Variants in NEBL observed in about 807,000 individuals in gnomAD.
NEBL encodes LIM and SH3 protein 2.
A neutral mutation model predicts 140.2 loss-of-function variants in NEBL; 122 were observed. The observed-to-expected ratio is 0.87, with a 90% CI of 0.75 to 1.01. NEBL has a LOEUF of 1.01. NEBL is among the 50% of genes least tolerant of loss of function. NEBL has a pLI of 0.00. For synonymous variants in NEBL, 436 were observed against 398.9 expected, an observed-to-expected ratio of 1.09 and a Z score of -1.11; for missense variants, 1,365 against 1,231.3, an observed-to-expected ratio of 1.11 and a Z score of -1.62.
At chr10:21,130,551 A>G (rs1839057706) in intron 2 of NEBL, among the ~76,000 whole-genome samples, 1 of 152,336 alleles carries the variant, frequency 6.6e-6, no homozygotes, top group Non-Finnish European at 1.5e-5. Flanking sequence ...CTTCTCTCAG[A>G]TCACAATGAA....
At chr10:21,225,981 G>A (rs1292966372) in intron 3 of NEBL, among the ~76,000 whole-genome samples, 1 of 152,084 alleles carries the variant, frequency 6.6e-6, no homozygotes, top group Admixed American at 6.6e-5. Flanking sequence ...CCACGGCTGG[G>A]AATGTGCTGG....
chr10:20,781,980 C>T lies in NEBL; in HGVS notation c.*3767G>A, dbSNP rs1208260094. 6.6e-6 allele frequency: 1 copy of T among 152,520 alleles called. No homozygotes were observed. Among genetic ancestry groups the T allele is most frequent in the Non-Finnish European group, 1.5e-5 (1 of 68,020 alleles). The allele number at this position is 152,520 out of a possible 1,614,324, so 9.4% of individuals were successfully genotyped here. On this transcript the variant is annotated 3_prime_UTR_variant, in exon 28 of 28. Coordinates refer to ENST00000377122, the MANE Select transcript of NEBL (RefSeq NM_006393.3). ...GTTCATCTTGTGTAGTGAATCCAGC[C>T]TCACAATTATTCTATCTTACAATAG...
intron 19 of NEBL, among the ~76,000 whole-genome samples, chr10:20,821,734 A>G (rs982169223): frequency 6.6e-6 from 1 of 152,148 alleles, no homozygotes; most frequent in Non-Finnish European, 1.5e-5. Flanking sequence ...TGGTATATGA[A>G]CCACACTTTA....
At chr10:20,917,193 C>G (rs1564441956) in intron 4 of NEBL, among the ~76,000 whole-genome samples, 1 of 152,210 alleles carries the variant, frequency 6.6e-6, no homozygotes, top group Non-Finnish European at 1.5e-5. Context: ...AGTCCAAAGT[C>G]TACCATTTTG....
intron 1 of NEBL, among the ~76,000 whole-genome samples, chr10:21,256,325 C>T (rs1399102164): frequency 3.3e-5 from 5 of 152,200 alleles, no homozygotes; most frequent in Non-Finnish European, 5.9e-5. Context: ...ACCTTGGCCT[C>T]CCAAAATGCT....
intron 26 of NEBL, among the ~76,000 whole-genome samples, chr10:20,807,306 A>G (rs1837698075): frequency 6.6e-6 from 1 of 152,246 alleles, no homozygotes; most frequent in Admixed American, 6.5e-5. Context: ...AGCCTGGGCA[A>G]CAGAGCAAGA....
chr10:20,828,784 G>GA, intron 16 of NEBL, 150 bp from the exon 17 acceptor site: 1 of 579,860 alleles, frequency 1.7e-6, no homozygotes, highest in South Asian at 2.0e-5. Flanking sequence ...AGAGAGAGAG[G>GA]TGGAGAGACA....
chr10:20,924,762 G>A (rs1057227060), intron 4 of NEBL, among the ~76,000 whole-genome samples: 5 of 152,102 alleles, frequency 3.3e-5, no homozygotes, highest in Non-Finnish European at 5.9e-5. Flanking sequence ...GAACACTGTA[G>A]AGCTTCCCCC....
At chr10:21,171,014 C>T (rs1320060599) in intron 2 of NEBL, among the ~76,000 whole-genome samples, 2 of 152,116 alleles carry the variant, frequency 1.3e-5, no homozygotes, top group Non-Finnish European at 2.9e-5. Flanking sequence ...CCAGACTATG[C>T]CAACCACACA....
chr10:20,869,769 C>T lies in NEBL; in HGVS notation c.553G>A (p.Ala185Thr), dbSNP rs1844725196. ...AELDRPDIKM[A>T]TQISKIISNA... ...CTTATGATCTTAGAGATCTGGGTTG[C>T]CATCTTGATGTCTGGTCGGTCAAGT... Residue 185 changes from alanine (A) to threonine (T), a missense_variant, in exon 6 of 28, where the codon GCA (alanine) becomes ACA (threonine). Around this residue, in one of 2 missense-constraint regions of NEBL, gnomAD observed 1,323 missense variants for 1,154.8 expected, o/e 1.15. Coordinates refer to ENST00000377122, the MANE Select transcript of NEBL (RefSeq NM_006393.3). 1 of 1,612,416 alleles carries T rather than the reference C, an allele frequency of 6.2e-7. No individual in the cohort carries two copies. The highest frequency in any genetic ancestry group is 1.1e-5 in the South Asian group (1 of 91,050).
chr10:20,850,539 G>C (rs1842406343), intron 10 of NEBL, 37 bp from the exon 11 acceptor site: 2 of 1,346,774 alleles, frequency 1.5e-6, no homozygotes, highest in African/African-American at 2.9e-5. Flanking sequence ...CAAATCGAAA[G>C]TCCTTATACA....
chr10:21,146,053 C>T (rs1039572782), intron 2 of NEBL, among the ~76,000 whole-genome samples: 10 of 152,074 alleles, frequency 6.6e-5, no homozygotes, highest in East Asian at 1.9e-4. Flanking sequence ...ATTTGTTAAG[C>T]GCCCGCTATG....
intron 22 of NEBL, 142 bp downstream of exon 22, chr10:20,815,483 T>A (rs576495711): frequency 1.4e-6 from 1 of 695,126 alleles, no homozygotes; most frequent in African/African-American, 1.8e-5. Context: ...TTGGAAGTCA[T>A]CTGAAATAAC....
chr10:20,830,129 G>A (rs559883556), intron 16 of NEBL, among the ~76,000 whole-genome samples: 3 of 152,308 alleles, frequency 2.0e-5, no homozygotes, highest in South Asian at 4.1e-4. Context: ...GAGGCTGAGA[G>A]GCACACAAGT....
rs191280465 is a variant in NEBL, at chr10:21,064,537, T to C, written c.165-44336A>G. Among the ~76,000 whole-genome samples the C allele has an allele frequency of 7.9e-5, 12 of 152,382 alleles. No individual in the cohort carries two copies. In the East Asian group the frequency reaches 2.3e-3, roughly 29 times the overall value. The stretch of plus-strand genomic sequence containing the variant: ...ACAATTCCCTTTACAAGTCTCGTTT[T>C]ATTAACCATTTAAAAGCAACTGAAA... On this transcript the variant is annotated intron_variant, in intron 2 of 6. Transcript: ENST00000417816.
chr10:21,090,847 C>T (rs964200103), intron 2 of NEBL, among the ~76,000 whole-genome samples: 6 of 152,180 alleles, frequency 3.9e-5, no homozygotes, highest in Non-Finnish European at 8.8e-5. Flanking sequence ...CATTTATCTA[C>T]TGAGCTTTAG....
intron 3 of NEBL, among the ~76,000 whole-genome samples, chr10:21,200,142 G>A (rs560990314): frequency 4.6e-5 from 7 of 151,854 alleles, no homozygotes; most frequent in Non-Finnish European, 8.8e-5. Flanking sequence ...TGCATTCCTC[G>A]CTACCCTACA....
intron 4 of NEBL, among the ~76,000 whole-genome samples, chr10:20,927,319 T>C (rs1230834585): frequency 6.6e-6 from 1 of 152,222 alleles, no homozygotes; most frequent in African/African-American, 2.4e-5. Context: ...ATTAAATAGA[T>C]CTTTTCTTCA....
intron 2 of NEBL, among the ~76,000 whole-genome samples, chr10:21,165,686 G>A (rs1415805491): frequency 1.3e-5 from 2 of 152,160 alleles, no homozygotes; most frequent in Admixed American, 6.5e-5. Flanking sequence ...ATCCCTTGGA[G>A]GATACAGACA....
Sources: allele counts gnomAD v4.1 joint callset (sites outside exome capture counted in the v4.1 genomes callset), GRCh38; gene constraint gnomAD v4.1.1; regional missense constraint gnomAD v4.1.1; transcripts MANE v1.5; gene names NCBI Gene and HGNC (gene_info 2026-07-23, HGNC 2026-07-21).